The following DCP2 variants were observed in gnomAD, a reference collection of about 807,000 sequenced individuals.
DCP2 encodes m7GpppN-mRNA hydrolase.
A neutral mutation model predicts 56.1 loss-of-function variants in DCP2; 30 were observed. The observed-to-expected ratio is 0.53, with a 90% confidence interval of 0.40 to 0.73. The LOEUF is 0.73. Among genes scored for constraint, DCP2 ranks in the 30% least tolerant of loss-of-function variants. The pLI is 0.00. For synonymous variants in DCP2, 197 were observed against 163.3 expected (o/e 1.21, Z -1.57); for missense variants, 533 against 502.7 (o/e 1.06, Z -0.58).
At chr5:112,983,007 G>T (rs1748082659) in intron 1 of DCP2, among the ~76,000 whole-genome samples, 1 of 152,178 alleles carries the variant, frequency 6.6e-6, no homozygotes, top group Non-Finnish European at 1.5e-5. Context: ...AGATAAAGCA[G>T]ACTTTAAAGG....
rs1749817756 is a variant in DCP2 at position 113,014,831 on chromosome 5, G to C, written c.*1347G>C. The C allele has an allele frequency of 6.6e-6, 1 of 152,534 alleles. No individual in the cohort carries two copies. Among genetic ancestry groups the C allele is most frequent in the South Asian group, 2.1e-4 (1 of 4,826 alleles). 9.4% of individuals were successfully genotyped at this position (152,534 alleles called of 1,614,324 possible). On this transcript the variant is annotated 3_prime_UTR_variant, in exon 11 of 11. Coordinates refer to ENST00000389063, the MANE Select transcript of DCP2 (RefSeq NM_152624.6). Reference sequence around the variant, plus strand: ...AGTGGTATCCACAAAATACTTCTCTGCTTATAAATGTTATTGTAGAAATCT... The same window carrying C: ...AGTGGTATCCACAAAATACTTCTCTCCTTATAAATGTTATTGTAGAAATCT...
At chr5:113,005,616 CAG>C (rs1388209153) in intron 8 of DCP2, among the ~76,000 whole-genome samples, 1 of 152,180 alleles carries the variant, frequency 6.6e-6, no homozygotes, top group African/African-American at 2.4e-5. Flanking sequence ...AACAGTTAAA[CAG>C]AGTTACCATG....
intron 4 of DCP2, among the ~76,000 whole-genome samples, chr5:112,994,982 C>G (rs562964022): frequency 2.6e-5 from 4 of 152,256 alleles, no homozygotes; most frequent in Admixed American, 6.5e-5. Context: ...TTTCCTGCAA[C>G]AATGTTTACT....
intron 1 of DCP2, chr5:112,983,839 T>G (rs1003353745): frequency 6.6e-6 from 1 of 152,256 alleles, no homozygotes; most frequent in Admixed American, 6.5e-5. Flanking sequence ...AGAACACTTT[T>G]GAAGATTCTG....
intron 10 of DCP2, among the ~76,000 whole-genome samples, chr5:113,011,166 G>A (rs1420242809): frequency 1.3e-5 from 2 of 152,188 alleles, no homozygotes; most frequent in African/African-American, 4.8e-5. Flanking sequence ...GGGGTGCACT[G>A]ACTTTAGAAG....
At chr5:113,000,544 A>G (rs1469921631) in intron 4 of DCP2, among the ~76,000 whole-genome samples, 1 of 152,162 alleles carries the variant, frequency 6.6e-6, no homozygotes, top group Non-Finnish European at 1.5e-5. Flanking sequence ...AAAATTATAA[A>G]TCCAAGCCAT....
rs1287015579 is a variant in DCP2, at chr5:113,017,135, G to A, written c.*3651G>A. On this transcript the variant is annotated 3_prime_UTR_variant, in exon 11 of 11. Transcript: ENST00000389063. ...GAGACTGTTTTGATTGACATCTTTTGTGTTTCTATATTTTCCGAGGCAGTA... is the reference window on the plus strand; with the variant it reads ...GAGACTGTTTTGATTGACATCTTTTATGTTTCTATATTTTCCGAGGCAGTA... 6.6e-6 allele frequency: 1 copy of A among 152,030 alleles called. No homozygotes were observed. The highest frequency in any genetic ancestry group is 2.1e-4 in the South Asian group (1 of 4,826). The allele number at this position is 152,030 out of a possible 1,614,324, so 9.4% of individuals were successfully genotyped here.
At chr5:112,995,332 A>G (rs946175073) in intron 4 of DCP2, among the ~76,000 whole-genome samples, 18 of 152,216 alleles carry the variant, frequency 1.2e-4, no homozygotes, top group Non-Finnish European at 2.4e-4. Flanking sequence ...AGACGGACCA[A>G]TTGTAAAAGT....
chr5:113,000,983 T>A, intron 4 of DCP2, 101 bp from the exon 5 acceptor site: 1 of 1,140,018 alleles, frequency 8.8e-7, no homozygotes, highest in Non-Finnish European at 1.2e-6. Flanking sequence ...TAAATACAAG[T>A]CATGTCCCCT....
At chr5:113,004,657 T>C (rs1749327874) in intron 8 of DCP2, among the ~76,000 whole-genome samples, 2 of 152,204 alleles carry the variant, frequency 1.3e-5, no homozygotes, top group African/African-American at 4.8e-5. Flanking sequence ...AGTAGAATTA[T>C]TGGATCACTG....
intron 4 of DCP2, among the ~76,000 whole-genome samples, chr5:112,999,014 C>T (rs1748997685): frequency 6.6e-6 from 1 of 152,206 alleles, no homozygotes; most frequent in African/African-American, 2.4e-5. Flanking sequence ...TGCTTACTTG[C>T]TGCATTTGCA....
chr5:112,981,794 C>A (rs533216814), intron 1 of DCP2, among the ~76,000 whole-genome samples: 1 of 152,070 alleles, frequency 6.6e-6, no homozygotes, highest in Non-Finnish European at 1.5e-5. Context: ...GTTTTTGAGA[C>A]GGAGTCTTGC....
At chr5:113,001,727 A>T in intron 7 of DCP2, 53 bp downstream of exon 7, 1 of 1,518,028 alleles carries the variant, frequency 6.6e-7, no homozygotes, top group Non-Finnish European at 9.1e-7. Flanking sequence ...TTAAAAGTGG[A>T]ATAATAGTAT....
chr5:112,988,177 T>C (rs1748390334), intron 2 of DCP2, among the ~76,000 whole-genome samples: 1 of 152,042 alleles, frequency 6.6e-6, no homozygotes, highest in Admixed American at 6.6e-5. Flanking sequence ...AATATTACTC[T>C]GATCATTTGA....
At chr5:112,991,504 C>T (rs1008159673) in intron 2 of DCP2, among the ~76,000 whole-genome samples, 1 of 152,100 alleles carries the variant, frequency 6.6e-6, no homozygotes, top group Admixed American at 6.6e-5. Context: ...ATTTGCCTTT[C>T]TCTGTAATCC....
At chr5:112,977,937 G>C (rs540169758) in intron 1 of DCP2, among the ~76,000 whole-genome samples, 17 of 148,350 alleles carry the variant, frequency 1.1e-4, no homozygotes, top group Non-Finnish European at 2.2e-4. Context: ...TAAAGAACTG[G>C]TGTTTGTGGA....
chr5:112,997,667 T>G (rs1748928360), intron 4 of DCP2, among the ~76,000 whole-genome samples: 1 of 151,680 alleles, frequency 6.6e-6, no homozygotes, highest in African/African-American at 2.4e-5. Context: ...TGGAGTGCAG[T>G]GGTGCGATCT....
chr5:113,021,404 A>C lies in DCP2; in HGVS notation c.*7920A>C, dbSNP rs866854652. The stretch of plus-strand genomic sequence containing the variant: ...AAACAACCAAAAAAAAAAAAAAAAA[A>C]CCCCCAGGAAGAAATATTGTCGAGA... On this transcript the variant is annotated 3_prime_UTR_variant, in exon 11 of 11. Transcript: ENST00000389063. 8.6e-3 allele frequency among the ~76,000 whole-genome samples: 1,237 copies of C among 144,054 alleles called. 12 individuals are homozygous for C. The highest frequency in any genetic ancestry group is 0.029 in the African/African-American group (1,099 of 37,768). 94.5% of individuals were successfully genotyped at this position (144,054 alleles called of 152,430 possible). A position where few individuals can be genotyped will look rare whatever the true frequency, so the allele number is the denominator to read the frequency against.
chr5:113,018,815 A>T lies in DCP2; in HGVS notation c.*5331A>T, dbSNP rs1449529678. 6.6e-6 allele frequency: 1 copy of T among 152,100 alleles called. No individual in the cohort carries two copies. The highest frequency in any genetic ancestry group is 1.5e-5 in the Non-Finnish European group (1 of 68,008). The allele number at this position is 152,100 out of a possible 1,614,324, so 9.4% of individuals were successfully genotyped here. On this transcript the variant is annotated 3_prime_UTR_variant, in exon 11 of 11. Transcript: ENST00000389063. ...CTTCTGTAGAATAATCCATATTTTA[A>T]AATTTGTTTCACATCTTTATAGCAA...
Sources: allele counts gnomAD v4.1 joint callset (sites outside exome capture counted in the v4.1 genomes callset), GRCh38; gene constraint gnomAD v4.1.1; transcripts MANE v1.5; gene names NCBI Gene and HGNC (gene_info 2026-07-23, HGNC 2026-07-21).